The following ADH7 variants were observed in gnomAD, a reference collection of about 807,000 sequenced individuals.
ADH7 encodes the protein all-trans-retinol dehydrogenase [NAD(+)] ADH7.
In ADH7, 41 loss-of-function variants were observed where a neutral mutation model predicts 34.4. The observed-to-expected ratio is 1.19, with a 90% CI of 0.93 to 1.55. ADH7 has a LOEUF of 1.55. ADH7 is among the 40% of genes most tolerant of loss of function. ADH7 has a pLI of 0.00. For missense variants in ADH7, 540 were observed against 461.2 expected (o/e 1.17, Z -1.56); for synonymous variants, 180 against 160.9 (o/e 1.12, Z -0.90).
chr4:99,414,488 G>A (rs1236720027), intron 8 of ADH7, among the ~76,000 whole-genome samples: 1 of 152,126 alleles, frequency 6.6e-6, no homozygotes, highest in Non-Finnish European at 1.5e-5. Flanking sequence ...AGACCTCCAT[G>A]AGGTAGATGT....
Position 99,420,540 on chromosome 4 carries a change from T to C in ADH7, c.818A>G (p.Glu273Gly), listed in dbSNP as rs1319165591. The C allele has an allele frequency of 1.2e-6, 2 of 1,612,494 alleles. No homozygotes were observed. Among genetic ancestry groups the C allele is most frequent in the African/African-American group, 2.7e-5 (2 of 74,892 alleles). The change falls in exon 6 of 9, where the codon GAA (glutamate) becomes GGA (glycine). Residue 273 changes from glutamate (E) to glycine (G), a missense_variant. Glu to Gly is a moderately conservative substitution (Grantham distance 98). Transcript: ENST00000437033. ...GYTFEVIGHL[E>G]TMIDALASCH... is the part of the protein sequence containing the mutation. The stretch of plus-strand genomic sequence containing the variant: ...TCAAATTTTGGGTCTTACCATGGTT[T>C]CAAGATGCCCAATAACTTCAAAGGT...
Position 99,419,013 on chromosome 4 carries a change from G to T in ADH7, c.934C>A (p.Arg312Ser). Reference protein sequence around the residue: ...TYDPMLLFTGRTWKGCVFGGL... With the variant: ...TYDPMLLFTGSTWKGCVFGGL... Reference sequence around the variant, plus strand: ...CCAAAGACACATCCCTTCCATGTGCGTCCAGTGAAGAGCAACATCGGGTCA... The same window carrying T: ...CCAAAGACACATCCCTTCCATGTGCTTCCAGTGAAGAGCAACATCGGGTCA... The change falls in exon 7 of 9, where the codon CGC becomes AGC. Residue 312 changes from arginine (R) to serine (S), a missense_variant. By Grantham distance (110) the Arg-to-Ser change is moderately radical. Transcript: ENST00000437033. 1.2e-6 allele frequency: 2 copies of T among 1,613,792 alleles called. No homozygotes were observed. The highest frequency in any genetic ancestry group is 2.2e-5 in the East Asian group (1 of 44,862).
At chr4:99,418,660 T>C (rs1721577020) in intron 7 of ADH7, among the ~76,000 whole-genome samples, 1 of 152,176 alleles carries the variant, frequency 6.6e-6, no homozygotes. Context: ...TTAATACACA[T>C]TCTTGTGTAT....
At chr4:99,418,557 A>G (rs1721575063) in intron 7 of ADH7, among the ~76,000 whole-genome samples, 1 of 152,196 alleles carries the variant, frequency 6.6e-6, no homozygotes, top group South Asian at 2.1e-4. Context: ...AACTGTTCCC[A>G]TAAAATGTGA....
chr4:99,421,072 G>A (rs1404711290), intron 5 of ADH7, among the ~76,000 whole-genome samples: 3 of 152,108 alleles, frequency 2.0e-5, no homozygotes, highest in Non-Finnish European at 4.4e-5. Flanking sequence ...TGGCCATACT[G>A]CCCAAAGTAA....
rs753329942 is a variant in ADH7, at chr4:99,420,770, G to A, written c.588C>T (p.Val196=). 4.3e-6 allele frequency: 7 copies of A among 1,613,798 alleles called. No individual in the cohort carries two copies. Among genetic ancestry groups the A allele is most frequent in the Middle Eastern group, 1.7e-4 (1 of 6,058 alleles). The change falls in exon 6 of 9, where the codon GTC becomes GTT. Residue 196 remains valine (V), a synonymous_variant. Transcript: ENST00000437033. ...TGKVKPGSTC[V]VFGLGGVGLS... is the part of the protein sequence containing the mutation. ...GGCCAACTCCTCCCAGGCCAAAGAC[G>A]ACGCAAGTGGAACCAGGTTTGACCT...
At chr4:99,434,744 C>T (rs773506097) in intron 1 of ADH7, among the ~76,000 whole-genome samples, 8 of 152,054 alleles carry the variant, frequency 5.3e-5, no homozygotes, top group Non-Finnish European at 1.0e-4. Flanking sequence ...ATTCATGACA[C>T]TTTCTTGGCC....
chr4:99,435,054 C>A, intron 1 of ADH7, 162 bp downstream of exon 1: 1 of 1,544,900 alleles, frequency 6.5e-7, no homozygotes, highest in African/African-American at 1.4e-5. Context: ...TTCTCTGAAA[C>A]ACCATATCCA....
intron 1 of ADH7, chr4:99,434,912 C>T: frequency 1.1e-6 from 1 of 907,988 alleles, no homozygotes; most frequent in Non-Finnish European, 1.7e-6. Context: ...ATTTGGCTTC[C>T]TGGAGCAATT....
chr4:99,434,077 A>T (rs1721995889), intron 1 of ADH7, among the ~76,000 whole-genome samples: 1 of 152,148 alleles, frequency 6.6e-6, no homozygotes, highest in African/African-American at 2.4e-5. Flanking sequence ...TATATTATAT[A>T]CTGTATTATT....
chr4:99,428,403 C>T (rs1334080632), intron 3 of ADH7, 89 bp downstream of exon 3: 1 of 1,444,746 alleles, frequency 6.9e-7, no homozygotes, highest in African/African-American at 1.4e-5. Context: ...TTAAGGATCC[C>T]TCTAATAATT....
chr4:99,415,407 C>T, intron 8 of ADH7, 71 bp downstream of exon 8: 1 of 1,437,620 alleles, frequency 7.0e-7, no homozygotes, highest in Non-Finnish European at 9.6e-7. Flanking sequence ...AGAAAACAGG[C>T]ACATTTATAA....
At chr4:99,423,627 A>G (rs1721724816) in intron 5 of ADH7, among the ~76,000 whole-genome samples, 1 of 152,278 alleles carries the variant, frequency 6.6e-6, no homozygotes, top group African/African-American at 2.4e-5. Flanking sequence ...TCTGATGGCC[A>G]GTGATGGTGA....
In ADH7 at chr4:99,434,346, A is replaced by T. The variant is rs186856273; in HGVS notation, c.18+870T>A. 7.1e-4 allele frequency among the ~76,000 whole-genome samples: 108 copies of T among 152,290 alleles called. 2 individuals carry two copies. The East Asian group carries it at 0.011, about 16-fold the overall frequency. On this transcript the variant is annotated intron_variant, in intron 1 of 8. Transcript: ENST00000437033. ...TTCTGACCCAAATTAGGATGGTTTT[A>T]TTCCAGTTCTATCCAATTCTAGTAA...
chr4:99,422,843 T>A (rs988149786), intron 5 of ADH7, among the ~76,000 whole-genome samples: 2 of 149,918 alleles, frequency 1.3e-5, no homozygotes, highest in African/African-American at 2.4e-5. Flanking sequence ...ATTTTATTTT[T>A]TTTTCTAATA....
At chr4:99,434,932 T>C (rs1579583198) in intron 1 of ADH7, 2 of 1,117,062 alleles carry the variant, frequency 1.8e-6, no homozygotes, top group Admixed American at 4.2e-5. Context: ...TGCCCAGCTA[T>C]CCGGAAATCA....
intron 7 of ADH7, among the ~76,000 whole-genome samples, chr4:99,417,493 A>G (rs981499315): frequency 1.3e-5 from 2 of 152,066 alleles, no homozygotes; most frequent in Non-Finnish European, 2.9e-5. Flanking sequence ...GAACTTTATA[A>G]AATAGCATTC....
At chr4:99,433,547 C>T (rs1721984887) in intron 1 of ADH7, among the ~76,000 whole-genome samples, 1 of 152,094 alleles carries the variant, frequency 6.6e-6, no homozygotes, top group Non-Finnish European at 1.5e-5. Context: ...TGTTGAAGTC[C>T]TAACCCCCCG....
At chr4:99,419,800 A>G (rs1721606502) in intron 6 of ADH7, among the ~76,000 whole-genome samples, 1 of 152,172 alleles carries the variant, frequency 6.6e-6, no homozygotes, top group Admixed American at 6.6e-5. Context: ...ATTCACTAGG[A>G]AAGAAATATG....
Sources: gnomAD v4.1 joint callset for allele counts (sites outside exome capture counted in the v4.1 genomes callset) on GRCh38, gnomAD v4.1.1 for gene constraint, MANE v1.5 for transcripts, NCBI Gene and HGNC (gene_info 2026-07-23, HGNC 2026-07-21) for gene names.